The following CERS6 variants were observed in gnomAD, a reference collection of about 807,000 sequenced individuals.
CERS6 encodes the protein LAG1 homolog, ceramide synthase 6.
A neutral mutation model predicts 56.8 loss-of-function variants in CERS6; 26 were observed. The observed-to-expected ratio is 0.46, with a 90% confidence interval of 0.34 to 0.63. The LOEUF is 0.63. CERS6 is among the 30% of genes least tolerant of loss of function. The pLI, the probability that CERS6 is intolerant of heterozygous loss-of-function variation, is 0.01. For synonymous variants in CERS6, 164 were observed against 173.3 expected (o/e 0.95, Z 0.42); for missense variants, 415 against 467.5 (o/e 0.89, Z 1.04).
rs1684896040 is a variant in CERS6, at chr2:168,772,666, AG to A, written c.*3005del. The A allele has an allele frequency of 1.3e-5, 2 of 152,768 alleles. No individual in the cohort carries two copies. The highest frequency in any genetic ancestry group is 4.1e-4 in the South Asian group (2 of 4,830). 9.5% of individuals were successfully genotyped at this position (152,768 alleles called of 1,614,324 possible). A position where few individuals can be genotyped will look rare whatever the true frequency, so the allele number is the denominator to read the frequency against. Reference sequence around the variant, plus strand: ...TAAGGCCAGCATATAAGCCAACTACAGTTCACCTTTCCAAATTTGGTCCTAT... The same window carrying A: ...TAAGGCCAGCATATAAGCCAACTACATTCACCTTTCCAAATTTGGTCCTAT... On this transcript the variant is annotated 3_prime_UTR_variant, in exon 10 of 10. Transcript: ENST00000305747.
chr2:168,717,343 A>T (rs1214060401), intron 7 of CERS6, among the ~76,000 whole-genome samples: 1 of 152,034 alleles, frequency 6.6e-6, no homozygotes, highest in Non-Finnish European at 1.5e-5. Flanking sequence ...ATCTCCCCAG[A>T]GTACTCCTTG....
intron 1 of CERS6, among the ~76,000 whole-genome samples, chr2:168,531,869 T>A (rs972733764): frequency 6.6e-6 from 1 of 151,682 alleles, no homozygotes; most frequent in African/African-American, 2.4e-5. Flanking sequence ...GGGCACCTTC[T>A]GATGTGTGAA....
At chr2:168,706,708 AT>A (rs1686949607) in intron 6 of CERS6, among the ~76,000 whole-genome samples, 1 of 152,208 alleles carries the variant, frequency 6.6e-6, no homozygotes. Context: ...CTCTTGACAC[AT>A]TTTTTGGTCT....
At chr2:168,541,976 G>A (rs983594076) in intron 1 of CERS6, among the ~76,000 whole-genome samples, 1 of 152,190 alleles carries the variant, frequency 6.6e-6, no homozygotes, top group African/African-American at 2.4e-5. Context: ...TGCTGTGTCT[G>A]TGTCTGATCT....
intron 3 of CERS6, among the ~76,000 whole-genome samples, chr2:168,601,556 CTTT>C (rs921302488): frequency 6.9e-6 from 1 of 144,126 alleles, no homozygotes; most frequent in African/African-American, 2.5e-5. Context: ...TTGGCCTTAT[CTTT>C]TTTTTTTTTT....
intron 1 of CERS6, among the ~76,000 whole-genome samples, chr2:168,472,653 A>C (rs1693998791): frequency 6.6e-6 from 1 of 152,216 alleles, no homozygotes; most frequent in African/African-American, 2.4e-5. Context: ...TAGTCAGAAC[A>C]TCCATTTTCT....
At chr2:168,725,965 T>C (rs1253256483) in intron 8 of CERS6, among the ~76,000 whole-genome samples, 1 of 152,244 alleles carries the variant, frequency 6.6e-6, no homozygotes, top group South Asian at 2.1e-4. Context: ...TCTGCATCTC[T>C]CTCTCTTATA....
chr2:168,533,182 C>T (rs564214484), intron 1 of CERS6, among the ~76,000 whole-genome samples: 5 of 152,148 alleles, frequency 3.3e-5, no homozygotes, highest in Non-Finnish European at 7.4e-5. Context: ...CATTGATTTT[C>T]GCATGAATGT....
intron 3 of CERS6, among the ~76,000 whole-genome samples, chr2:168,600,004 A>G (rs1683893714): frequency 6.6e-6 from 1 of 152,308 alleles, no homozygotes; most frequent in African/African-American, 2.4e-5. Context: ...TTACAGTGAT[A>G]CAGTGATGCT....
chr2:168,491,552 A>G (rs1177823306), intron 1 of CERS6, among the ~76,000 whole-genome samples: 2 of 152,150 alleles, frequency 1.3e-5, no homozygotes, highest in African/African-American at 4.8e-5. Flanking sequence ...AGGAAAGTAG[A>G]CACAGTAAGA....
chr2:168,571,404 A>G (rs1471933912), intron 3 of CERS6, among the ~76,000 whole-genome samples: 1 of 152,098 alleles, frequency 6.6e-6, no homozygotes, highest in African/African-American at 2.4e-5. Flanking sequence ...GGCTCCTGAT[A>G]TTCGAATATA....
intron 4 of CERS6, among the ~76,000 whole-genome samples, chr2:168,631,441 T>TTA (rs1553501646): frequency 1.5e-5 from 2 of 130,286 alleles, no homozygotes; most frequent in South Asian, 2.2e-4. Flanking sequence ...AAATATATAT[T>TTA]TATATTATAT....
chr2:168,614,954 C>A (rs1684280556), intron 3 of CERS6, among the ~76,000 whole-genome samples: 1 of 152,102 alleles, frequency 6.6e-6, no homozygotes. Flanking sequence ...ACTTAAGGAA[C>A]CTCACAGAGT....
chr2:168,472,377 G>A (rs1693992830), intron 1 of CERS6, among the ~76,000 whole-genome samples: 1 of 152,160 alleles, frequency 6.6e-6, no homozygotes, highest in South Asian at 2.1e-4. Flanking sequence ...GCAGTATGAA[G>A]AGGAAAGGCC....
intron 3 of CERS6, among the ~76,000 whole-genome samples, chr2:168,621,172 C>G (rs999863507): frequency 3.9e-5 from 6 of 152,104 alleles, no homozygotes; most frequent in South Asian, 2.1e-4. Flanking sequence ...TTGCATAGAG[C>G]CTTGATGTTC....
intron 4 of CERS6, among the ~76,000 whole-genome samples, chr2:168,690,374 C>G (rs1686468954): frequency 6.6e-6 from 1 of 152,070 alleles, no homozygotes; most frequent in Admixed American, 6.6e-5. Flanking sequence ...CATACCAACC[C>G]CTCCCTGATT....
chr2:168,566,783 A>G (rs1263803667), intron 3 of CERS6, among the ~76,000 whole-genome samples: 1 of 135,766 alleles, frequency 7.4e-6, no homozygotes, highest in Non-Finnish European at 1.6e-5. Flanking sequence ...ATGTTTTCAT[A>G]AACAGCCACC....
At chr2:168,667,546 C>A (rs1409551525) in intron 4 of CERS6, among the ~76,000 whole-genome samples, 1 of 150,904 alleles carries the variant, frequency 6.6e-6, no homozygotes, top group African/African-American at 2.4e-5. Context: ...ATATAAAGCT[C>A]TCTGCTTCTG....
intron 4 of CERS6, among the ~76,000 whole-genome samples, chr2:168,640,141 G>A (rs961376213): frequency 6.6e-6 from 1 of 152,186 alleles, no homozygotes. Context: ...GGTAAAGAGA[G>A]ACTGCTGGAG....
Sources: gnomAD v4.1 joint callset for allele counts (sites outside exome capture counted in the v4.1 genomes callset) on GRCh38, gnomAD v4.1.1 for gene constraint, MANE v1.5 for transcripts, NCBI Gene and HGNC (gene_info 2026-07-23, HGNC 2026-07-21) for gene names.